HDAC4: variants seen among roughly 807,000 people sequenced by gnomAD.
The protein encoded by HDAC4 is histone deacetylase A.
A neutral mutation model predicts 135.1 loss-of-function variants in HDAC4; 16 were observed. The observed-to-expected ratio is 0.12, with a 90% CI of 0.08 to 0.18. HDAC4 has a LOEUF of 0.18. Among genes scored for constraint, HDAC4 ranks in the 10% least tolerant of loss-of-function variants. The pLI is 1.00. For synonymous variants in HDAC4, 685 were observed against 653.4 expected, an observed-to-expected ratio of 1.05 and a Z score of -0.74; for missense variants, 1,143 against 1,511.8, an observed-to-expected ratio of 0.76 and a Z score of 4.05.
At chr2:239,361,937 CAT>C (rs1559384830) in intron 1 of HDAC4, among the ~76,000 whole-genome samples, 1 of 152,208 alleles carries the variant, frequency 6.6e-6, no homozygotes, top group Non-Finnish European at 1.5e-5. Context: ...ATGGAAAGCA[CAT>C]GCTACTAAGA....
chr2:239,116,991 G>A (rs3791423), intron 12 of HDAC4, among the ~76,000 whole-genome samples: 12,761 of 152,240 alleles, frequency 0.084, 856 homozygotes, highest in Admixed American at 0.23. Context: ...CATCTTTCCT[G>A]CAGTCTGCAG....
chr2:239,129,422 C>T (rs1459719193), intron 11 of HDAC4, among the ~76,000 whole-genome samples: 1 of 152,202 alleles, frequency 6.6e-6, no homozygotes, highest in African/African-American at 2.4e-5. Context: ...GACCCAGCTG[C>T]AGGGGCTGGC....
At chr2:239,355,155 T>C (rs1186284175) in intron 1 of HDAC4, among the ~76,000 whole-genome samples, 5 of 152,362 alleles carry the variant, frequency 3.3e-5, no homozygotes, top group African/African-American at 1.2e-4. Context: ...AAGAGTCTTT[T>C]ATTTTGTTCA....
chr2:239,223,547 T>C (rs2047081380), intron 3 of HDAC4, among the ~76,000 whole-genome samples: 1 of 152,230 alleles, frequency 6.6e-6, no homozygotes, highest in Non-Finnish European at 1.5e-5. Flanking sequence ...CCTCAGTTCC[T>C]GAACCAGTAA....
chr2:239,265,348 G>T (rs1353418696), intron 2 of HDAC4, among the ~76,000 whole-genome samples: 1 of 152,238 alleles, frequency 6.6e-6, no homozygotes, highest in African/African-American at 2.4e-5. Context: ...TTCGTATCAG[G>T]AAGTCAATCT....
chr2:239,180,185 C>G (rs1487789879), intron 4 of HDAC4, among the ~76,000 whole-genome samples: 1 of 152,192 alleles, frequency 6.6e-6, no homozygotes, highest in East Asian at 1.9e-4. Flanking sequence ...ACCACACCCT[C>G]TCCTGCGAGA....
intron 12 of HDAC4, among the ~76,000 whole-genome samples, chr2:239,117,767 C>T (rs146984619): frequency 3.0e-4 from 46 of 152,218 alleles, no homozygotes; most frequent in Middle Eastern, 3.4e-3. Context: ...CCGTGGGGAA[C>T]GGCCTGAAGG....
intron 22 of HDAC4, among the ~76,000 whole-genome samples, chr2:239,078,242 C>T (rs1390964262): frequency 1.3e-5 from 2 of 152,192 alleles, no homozygotes; most frequent in South Asian, 2.1e-4. Context: ...TTTTCTCCTA[C>T]GAGTCTCCGG....
chr2:239,226,954 A>C (rs2047277947), intron 3 of HDAC4, among the ~76,000 whole-genome samples: 3 of 152,238 alleles, frequency 2.0e-5, no homozygotes. Context: ...GATTCTGCTG[A>C]AACAGTGTGT....
At chr2:239,089,908 C>G (rs1030431127) in intron 18 of HDAC4, 101 bp downstream of exon 18, 2 of 885,286 alleles carry the variant, frequency 2.3e-6, no homozygotes, top group African/African-American at 3.3e-5. Context: ...ACAGCCGCCT[C>G]CCAGCCTGAT....
intron 18 of HDAC4, among the ~76,000 whole-genome samples, chr2:239,088,574 T>C (rs2036207075): frequency 2.0e-5 from 3 of 152,350 alleles, no homozygotes; most frequent in African/African-American, 7.2e-5. Flanking sequence ...CCTGCGCCGA[T>C]GGTGCTGAAG....
intron 3 of HDAC4, among the ~76,000 whole-genome samples, chr2:239,208,520 T>C (rs2153090622): frequency 6.6e-6 from 1 of 152,168 alleles, no homozygotes; most frequent in South Asian, 2.1e-4. Flanking sequence ...AAAAAAGAGT[T>C]ATCTATTAAA....
intron 16 of HDAC4, among the ~76,000 whole-genome samples, chr2:239,101,250 G>A (rs540609720): frequency 6.6e-6 from 1 of 152,186 alleles, no homozygotes; most frequent in Non-Finnish European, 1.5e-5. Context: ...CAGCGTGACC[G>A]CCACCCCAGG....
At chr2:239,320,695 G>A (rs1464912490) in intron 2 of HDAC4, among the ~76,000 whole-genome samples, 1 of 152,036 alleles carries the variant, frequency 6.6e-6, no homozygotes, top group South Asian at 2.1e-4. Flanking sequence ...AATTTATTTT[G>A]GTTCTTCCCA....
intron 1 of HDAC4, among the ~76,000 whole-genome samples, chr2:239,377,326 C>T (rs1695082702): frequency 6.6e-6 from 1 of 152,356 alleles, no homozygotes; most frequent in African/African-American, 2.4e-5. Flanking sequence ...GCCACGTGTG[C>T]CTCTGGAGGC....
At chr2:239,123,148 T>A (rs754403756) in intron 12 of HDAC4, among the ~76,000 whole-genome samples, 4 of 152,254 alleles carry the variant, frequency 2.6e-5, no homozygotes, top group Admixed American at 6.5e-5. Context: ...AGGTGTTTCC[T>A]GTCTTCCTCA....
intron 2 of HDAC4, among the ~76,000 whole-genome samples, chr2:239,290,216 T>C (rs1404099206): frequency 6.6e-6 from 1 of 152,178 alleles, no homozygotes; most frequent in Non-Finnish European, 1.5e-5. Context: ...GCACTAACAT[T>C]TTCCATGTTA....
At chr2:239,399,085 G>T (rs1157170293) in intron 1 of HDAC4, among the ~76,000 whole-genome samples, 1 of 152,158 alleles carries the variant, frequency 6.6e-6, no homozygotes, top group Non-Finnish European at 1.5e-5. Flanking sequence ...GTTCTTCTGG[G>T]GAAAGATGCC....
intron 1 of HDAC4, among the ~76,000 whole-genome samples, chr2:239,388,959 C>T (rs982716746): frequency 2.0e-5 from 3 of 152,210 alleles, no homozygotes; most frequent in African/African-American, 7.2e-5. Flanking sequence ...TGCCAGAGAA[C>T]CCTGCCGAGG....
Sources: gnomAD v4.1 joint callset for allele counts (sites outside exome capture counted in the v4.1 genomes callset) on GRCh38, gnomAD v4.1.1 for gene constraint, MANE v1.5 for transcripts, NCBI Gene and HGNC (gene_info 2026-07-23, HGNC 2026-07-21) for gene names.